Variants in ELMO1 observed in about 807,000 individuals in gnomAD.
ELMO1 encodes engulfment and cell motility protein 1.
ELMO1 carries 26 observed loss-of-function variants against 98.9 expected under a neutral mutation model. The ratio of observed to expected loss-of-function variants is 0.26; its 90% CI spans 0.19 to 0.36. The LOEUF (loss-of-function observed/expected upper bound fraction) is 0.36, where lower values mean the gene tolerates loss of function less well. ELMO1 is among the 10% of genes least tolerant of loss of function. The pLI, the probability that ELMO1 is intolerant of heterozygous loss-of-function variation, is 1.00. For missense variants in ELMO1, 627 were observed against 935.2 expected (o/e 0.67, Z 4.30); for synonymous variants, 346 against 346.0 (o/e 1.00, Z 0.00).
intron 16 of ELMO1, among the ~76,000 whole-genome samples, chr7:37,000,908 G>A (rs192726989): frequency 6.7e-6 from 1 of 149,826 alleles, no homozygotes; most frequent in Non-Finnish European, 1.5e-5. Context: ...GAAACAGAGG[G>A]ATATATACAT....
intron 15 of ELMO1, among the ~76,000 whole-genome samples, chr7:37,058,763 A>G (rs749780924): frequency 1.3e-5 from 2 of 152,164 alleles, no homozygotes; most frequent in Admixed American, 6.5e-5. Context: ...CTGATTCCAC[A>G]TGGCCCATAT....
chr7:36,905,411 T>C (rs1783894160), intron 16 of ELMO1, among the ~76,000 whole-genome samples: 1 of 152,144 alleles, frequency 6.6e-6, no homozygotes, highest in East Asian at 1.9e-4. Flanking sequence ...TTCACTTCCC[T>C]AGGAGCTCCC....
chr7:37,069,321 T>C (rs982600891), intron 15 of ELMO1, among the ~76,000 whole-genome samples: 2 of 152,176 alleles, frequency 1.3e-5, no homozygotes, highest in African/African-American at 4.8e-5. Flanking sequence ...AAGCGATCTA[T>C]TTAGAAGGAA....
chr7:36,864,266 G>T (rs1802855972), intron 20 of ELMO1, among the ~76,000 whole-genome samples: 1 of 152,122 alleles, frequency 6.6e-6, no homozygotes, highest in Non-Finnish European at 1.5e-5. Context: ...TTCTGCAGGG[G>T]GATGGAGAAG....
intron 16 of ELMO1, among the ~76,000 whole-genome samples, chr7:36,901,798 C>CA (rs140482415): frequency 0.041 from 6,149 of 149,346 alleles, 224 homozygotes; most frequent in African/African-American, 0.1. Flanking sequence ...ACATCTTATC[C>CA]AAAAAAAAAA....
At chr7:36,867,083 A>G (rs184860691) in intron 20 of ELMO1, among the ~76,000 whole-genome samples, 3 of 152,238 alleles carry the variant, frequency 2.0e-5, no homozygotes, top group Non-Finnish European at 2.9e-5. Flanking sequence ...GGCAGACTGG[A>G]AGAGCCCAGG....
intron 15 of ELMO1, among the ~76,000 whole-genome samples, chr7:37,017,752 T>G (rs1215125446): frequency 6.6e-6 from 1 of 151,986 alleles, no homozygotes; most frequent in African/African-American, 2.4e-5. Flanking sequence ...TGAATGTAAT[T>G]CTTTGTACAC....
At chr7:37,368,715 G>A (rs1562647112) in intron 1 of ELMO1, among the ~76,000 whole-genome samples, 1 of 152,218 alleles carries the variant, frequency 6.6e-6, no homozygotes, top group Non-Finnish European at 1.5e-5. Flanking sequence ...ATCTGCATAA[G>A]ATGACCTTTG....
At chr7:37,321,874 T>G (rs1475438382) in intron 2 of ELMO1, among the ~76,000 whole-genome samples, 3 of 142,040 alleles carry the variant, frequency 2.1e-5, no homozygotes, top group Non-Finnish European at 4.6e-5. Flanking sequence ...TTTTTTTTTT[T>G]GTAAACGGAG....
At chr7:37,061,974 G>A (rs1443758548) in intron 15 of ELMO1, among the ~76,000 whole-genome samples, 1 of 152,116 alleles carries the variant, frequency 6.6e-6, no homozygotes, top group Non-Finnish European at 1.5e-5. Context: ...GATAAACCCT[G>A]GCTGGGTTAT....
In ELMO1 at chr7:36,974,023, C is replaced by G. The variant is rs186758984; in HGVS notation, c.1437+39276G>C. On this transcript the variant is annotated intron_variant, in intron 16 of 21. Coordinates refer to ENST00000310758, the MANE Select transcript of ELMO1 (RefSeq NM_014800.11). ...AGCCCGCCATGCCTGAGCCTCCCCC[C>G]CACTCCGTGGGCTCCTGTGCGTCTG... 4.9e-3 allele frequency among the ~76,000 whole-genome samples: 748 copies of G among 152,348 alleles called. 8 individuals carry two copies. Among genetic ancestry groups the G allele is most frequent in the African/African-American group, 0.017 (716 of 41,578 alleles).
chr7:36,919,130 G>C (rs983331636), intron 16 of ELMO1, among the ~76,000 whole-genome samples: 1 of 152,168 alleles, frequency 6.6e-6, no homozygotes, highest in Non-Finnish European at 1.5e-5. Context: ...TCTTCTCACA[G>C]CTCAATATTC....
chr7:37,240,993 C>T (rs1441430521), intron 7 of ELMO1, among the ~76,000 whole-genome samples: 1 of 152,062 alleles, frequency 6.6e-6, no homozygotes, highest in African/African-American at 2.4e-5. Flanking sequence ...TAGTGTTGAT[C>T]AAATCATCTA....
intron 16 of ELMO1, among the ~76,000 whole-genome samples, chr7:36,979,413 C>A (rs1206895919): frequency 6.6e-6 from 1 of 152,192 alleles, no homozygotes; most frequent in African/African-American, 2.4e-5. Context: ...AGTCCCTCTA[C>A]CCAGTTCTCA....
Position 37,091,686 on chromosome 7 carries a change from G to A in ELMO1, c.1300+4933C>T, listed in dbSNP as rs73688847. Among the ~76,000 whole-genome samples, 1,375 of 152,112 alleles carry A rather than the reference G, an allele frequency of 9.0e-3. 23 individuals carry two copies. Among genetic ancestry groups the A allele is most frequent in the African/African-American group, 0.031 (1,303 of 41,484 alleles). On this transcript the variant is annotated intron_variant, in intron 15 of 21. Transcript: ENST00000310758. ...CTTTCTTGAAATAGTCTGTTTTCAC[G>A]CTGCTGCTAAAGACATACCCAAGAC... is the stretch of plus-strand genomic sequence containing the variant.
intron 15 of ELMO1, among the ~76,000 whole-genome samples, chr7:37,080,904 ATCTT>A (rs1452752485): frequency 2.6e-5 from 4 of 151,976 alleles, no homozygotes; most frequent in Non-Finnish European, 5.9e-5. Context: ...TCCAGACACT[ATCTT>A]GGCCCACTTC....
intron 1 of ELMO1, among the ~76,000 whole-genome samples, chr7:37,383,773 A>G (rs1237499403): frequency 6.6e-6 from 1 of 152,214 alleles, no homozygotes; most frequent in Non-Finnish European, 1.5e-5. Flanking sequence ...TTAAAAGGAT[A>G]CACGTTTTAG....
intron 4 of ELMO1, among the ~76,000 whole-genome samples, chr7:37,285,060 C>CAGAGACA (rs1554288982): frequency 1.3e-5 from 2 of 152,220 alleles, no homozygotes; most frequent in Non-Finnish European, 2.9e-5. Context: ...CTTCTGGCAA[C>CAGAGACA]AGAGACACGT....
intron 5 of ELMO1, among the ~76,000 whole-genome samples, chr7:37,267,469 T>C (rs1796326955): frequency 6.6e-6 from 1 of 152,248 alleles, no homozygotes; most frequent in Non-Finnish European, 1.5e-5. Context: ...TGTGTGTTCA[T>C]CCTGCAGTGC....
Sources: allele counts gnomAD v4.1 joint callset (sites outside exome capture counted in the v4.1 genomes callset), GRCh38; gene constraint gnomAD v4.1.1; transcripts MANE v1.5; gene names NCBI Gene and HGNC (gene_info 2026-07-23, HGNC 2026-07-21).